Variants in EXOC4 observed in about 807,000 individuals in gnomAD.
EXOC4 encodes the protein SEC8-like 1.
A neutral mutation model predicts 107.2 loss-of-function variants in EXOC4; 71 were observed. The observed-to-expected ratio is 0.66, with a 90% CI of 0.55 to 0.81. The LOEUF is 0.81. EXOC4 is among the 30% of genes least tolerant of loss of function. The pLI is 0.00. For synonymous variants in EXOC4, 456 were observed against 441.2 expected (o/e 1.03, Z -0.42); for missense variants, 1,108 against 1,189.6 (o/e 0.93, Z 1.01).
At chr7:133,788,713 G>A (rs1362541508) in intron 10 of EXOC4, among the ~76,000 whole-genome samples, 4 of 152,174 alleles carry the variant, frequency 2.6e-5, no homozygotes, top group South Asian at 2.1e-4. Flanking sequence ...GGCTGGTCTC[G>A]AACTCCTGAC....
At chr7:133,345,196 A>G (rs372156814) in intron 5 of EXOC4, among the ~76,000 whole-genome samples, 3 of 152,218 alleles carry the variant, frequency 2.0e-5, no homozygotes, top group African/African-American at 7.2e-5. Context: ...AAATTTGCAC[A>G]TCTCTGAGCT....
At chr7:133,302,736 G>GT (rs201923968) in intron 3 of EXOC4, among the ~76,000 whole-genome samples, 39 of 151,202 alleles carry the variant, frequency 2.6e-4, no homozygotes, top group South Asian at 4.2e-4. Flanking sequence ...TTATGAACCT[G>GT]TTTTTTTTTA....
intron 13 of EXOC4, among the ~76,000 whole-genome samples, chr7:133,922,978 A>G (rs1799971715): frequency 8.4e-6 from 1 of 119,526 alleles, no homozygotes; most frequent in Non-Finnish European, 1.7e-5. Context: ...GCTATTGTGA[A>G]TATCCTGGGT....
chr7:133,397,921 G>A (rs1797008342), intron 7 of EXOC4, among the ~76,000 whole-genome samples: 1 of 152,118 alleles, frequency 6.6e-6, no homozygotes, highest in Non-Finnish European at 1.5e-5. Context: ...ATGAAATTTG[G>A]AGAGGTTAAG....
intron 7 of EXOC4, among the ~76,000 whole-genome samples, chr7:133,458,465 G>A (rs1798514393): frequency 6.6e-6 from 1 of 152,186 alleles, no homozygotes; most frequent in Non-Finnish European, 1.5e-5. Flanking sequence ...GGACACAGGT[G>A]CAGCAAATTT....
intron 10 of EXOC4, among the ~76,000 whole-genome samples, chr7:133,798,927 A>G (rs1276767519): frequency 6.6e-6 from 1 of 152,226 alleles, no homozygotes; most frequent in Admixed American, 6.5e-5. Flanking sequence ...TGTTCCTTGG[A>G]CTATGAAAGC....
At chr7:133,890,564 G>A (rs1403905108) in intron 11 of EXOC4, among the ~76,000 whole-genome samples, 5 of 139,282 alleles carry the variant, frequency 3.6e-5, no homozygotes, top group East Asian at 2.1e-4. Context: ...TAGGTCTAAC[G>A]TTTAAATCTT....
At chr7:133,597,749 A>T (rs1563121564) in intron 9 of EXOC4, among the ~76,000 whole-genome samples, 1 of 151,234 alleles carries the variant, frequency 6.6e-6, no homozygotes, top group East Asian at 2.0e-4. Context: ...ATGTCATCAC[A>T]CCTGTAATCC....
At chr7:133,494,625 A>G (rs1438265103) in intron 9 of EXOC4, among the ~76,000 whole-genome samples, 2 of 152,230 alleles carry the variant, frequency 1.3e-5, no homozygotes, top group African/African-American at 2.4e-5. Context: ...ATTCTTTAAC[A>G]TGTAAATTGA....
intron 12 of EXOC4, among the ~76,000 whole-genome samples, chr7:133,907,653 A>G (rs1263928696): frequency 6.6e-6 from 1 of 152,154 alleles, no homozygotes; most frequent in East Asian, 1.9e-4. Context: ...AGCCTGGCCA[A>G]CATGGTAAAA....
intron 6 of EXOC4, among the ~76,000 whole-genome samples, chr7:133,363,698 A>C (rs1796184278): frequency 2.0e-5 from 3 of 152,162 alleles, no homozygotes; most frequent in African/African-American, 7.2e-5. Context: ...CAGTCAAAGA[A>C]ATAGAGACAA....
chr7:133,497,025 A>G (rs201696691), intron 9 of EXOC4, among the ~76,000 whole-genome samples: 1 of 152,168 alleles, frequency 6.6e-6, no homozygotes, highest in Non-Finnish European at 1.5e-5. Context: ...AGATTAGGCC[A>G]TGTTGTAAGG....
rs189758751 is a variant in EXOC4, at chr7:133,371,537, G to A, written c.1008-3291G>A. ...TTTTCACTTACCATAGTAATTTCAAGGTTAATTCCAGTTGTACCATGTATC... is the reference window on the plus strand; with the variant it reads ...TTTTCACTTACCATAGTAATTTCAAAGTTAATTCCAGTTGTACCATGTATC... On this transcript the variant is annotated intron_variant, in intron 6 of 17. Transcript: ENST00000253861. Among the ~76,000 whole-genome samples, 39 of 152,084 alleles carry A rather than the reference G, an allele frequency of 2.6e-4. No homozygotes were observed. The East Asian group carries it at 6.8e-3, about 26-fold the overall frequency.
At position 133,448,854 on chromosome 7, in the gene EXOC4, C is replaced by T. The variant is rs184694328; in HGVS notation, c.1183-26474C>T. Among the ~76,000 whole-genome samples, 210 of 152,258 alleles carry T rather than the reference C, an allele frequency of 1.4e-3. 2 individuals carry two copies. Among genetic ancestry groups the T allele is most frequent in the African/African-American group, 4.8e-3 (201 of 41,556 alleles). ...GCGTGGTGGCTCACACCTGTAATCC[C>T]AGCTCTTTGGGAGGCCGAGGTGGGT... On this transcript the variant is annotated intron_variant, in intron 7 of 17. Coordinates refer to ENST00000253861, the MANE Select transcript of EXOC4 (RefSeq NM_021807.4).
At chr7:133,551,187 A>G (rs185517217) in intron 9 of EXOC4, among the ~76,000 whole-genome samples, 65 of 152,244 alleles carry the variant, frequency 4.3e-4, no homozygotes, top group Admixed American at 2.8e-3. Flanking sequence ...ATGGCTCCTG[A>G]TAATTTTATA....
At chr7:133,276,857 G>C (rs534894604) in intron 2 of EXOC4, among the ~76,000 whole-genome samples, 1 of 152,270 alleles carries the variant, frequency 6.6e-6, no homozygotes, top group East Asian at 1.9e-4. Context: ...TACAAATACT[G>C]ATGATATATG....
At chr7:133,482,021 A>G (rs1372088185) in intron 9 of EXOC4, among the ~76,000 whole-genome samples, 1 of 152,150 alleles carries the variant, frequency 6.6e-6, no homozygotes, top group Non-Finnish European at 1.5e-5. Flanking sequence ...CACTCACGGT[A>G]TCCTAATTTT....
At chr7:133,595,785 C>T (rs1415687672) in intron 9 of EXOC4, among the ~76,000 whole-genome samples, 1 of 152,156 alleles carries the variant, frequency 6.6e-6, no homozygotes, top group African/African-American at 2.4e-5. Flanking sequence ...AAGTTCCTTC[C>T]TATACCTCGC....
chr7:133,254,242 T>C (rs10251899), intron 1 of EXOC4, among the ~76,000 whole-genome samples: 219 of 152,312 alleles, frequency 1.4e-3, no homozygotes, highest in African/African-American at 5.0e-3. Flanking sequence ...ATGGGTCTTA[T>C]TTAGGAGGCT....
Sources: gnomAD v4.1 joint callset for allele counts (sites outside exome capture counted in the v4.1 genomes callset) on GRCh38, gnomAD v4.1.1 for gene constraint, MANE v1.5 for transcripts, NCBI Gene and HGNC (gene_info 2026-07-23, HGNC 2026-07-21) for gene names.